Variants in CLDN16 observed in about 807,000 individuals in gnomAD.
CLDN16 encodes claudin-16.
Under a neutral mutation model 24.6 loss-of-function variants are expected in CLDN16, and 13 were observed. That is an observed-to-expected ratio of 0.53 (90% CI 0.34 to 0.84). CLDN16 has a LOEUF of 0.84. Ranked by LOEUF, CLDN16 falls within the 40% of genes least tolerant of loss-of-function variation. The pLI, the probability that CLDN16 is intolerant of heterozygous loss-of-function variation, is 0.01. For missense variants in CLDN16, 298 were observed against 292.7 expected (o/e 1.02, Z -0.13); for synonymous variants, 116 against 106.7 (o/e 1.09, Z -0.54).
rs778985429 is a variant in CLDN16, at chr3:190,410,774, T to G, written c.*738T>G. On this transcript the variant is annotated 3_prime_UTR_variant, in exon 5 of 5. Transcript: ENST00000264734. Reference sequence around the variant, plus strand: ...ATTGCCAAATGATTAGACTACAGAATAGTTCAACCAGAGAATTTACTCATT... The same window carrying G: ...ATTGCCAAATGATTAGACTACAGAAGAGTTCAACCAGAGAATTTACTCATT... 2 of 152,154 alleles carry G rather than the reference T, an allele frequency of 1.3e-5. No homozygotes were observed. The highest frequency in any genetic ancestry group is 2.4e-5 in the African/African-American group (1 of 41,420). The allele number at this position is 152,154 out of a possible 1,614,324, so 9.4% of individuals were successfully genotyped here. A position where few individuals can be genotyped will look rare whatever the true frequency, so the allele number is the denominator to read the frequency against.
At chr3:190,357,198 G>C (rs533338037) in intron 1 of CLDN16, among the ~76,000 whole-genome samples, 1 of 151,974 alleles carries the variant, frequency 6.6e-6, no homozygotes, top group East Asian at 1.9e-4. Context: ...TCCTAATGCA[G>C]AATTTTGGCA....
chr3:190,330,040 C>T (rs1466829708), intron 1 of CLDN16, among the ~76,000 whole-genome samples: 2 of 150,906 alleles, frequency 1.3e-5, no homozygotes, highest in Non-Finnish European at 3.0e-5. Flanking sequence ...TCAACCGTCC[C>T]CCCTCCACCA....
At chr3:190,303,056 G>A in the CLDN16 span, among the ~76,000 whole-genome samples, 1 of 151,870 alleles carries the variant, frequency 6.6e-6, no homozygotes, top group Non-Finnish European at 1.5e-5. Context: ...CCACTTTTCT[G>A]TATTTTTCTA....
chr3:190,380,549 A>G (rs1718349081), intron 3 of CLDN16, among the ~76,000 whole-genome samples: 1 of 152,096 alleles, frequency 6.6e-6, no homozygotes, highest in South Asian at 2.1e-4. Context: ...GTTAAGAAGA[A>G]AGCATACAAT....
At chr3:190,399,672 G>A (rs1718913038) in intron 1 of CLDN16, among the ~76,000 whole-genome samples, 1 of 151,962 alleles carries the variant, frequency 6.6e-6, no homozygotes. Context: ...TTTTTTGTTG[G>A]AAACATTAAA....
At chr3:190,312,946 A>C in the CLDN16 span, 1 of 1,614,176 alleles carries the variant, frequency 6.2e-7, no homozygotes, top group Admixed American at 1.7e-5. Context: ...CAAGCACTTC[A>C]TACACTTCAT....
intron 3 of CLDN16, among the ~76,000 whole-genome samples, chr3:190,405,267 A>G (rs1463800275): frequency 6.6e-6 from 1 of 151,948 alleles, no homozygotes; most frequent in Admixed American, 6.6e-5. Flanking sequence ...TATCCCCACT[A>G]AAAATACAAA....
At chr3:190,333,562 CT>C (rs1717229952) in intron 1 of CLDN16, among the ~76,000 whole-genome samples, 1 of 133,950 alleles carries the variant, frequency 7.5e-6, no homozygotes, top group African/African-American at 2.8e-5. Context: ...ATCTATCTAT[CT>C]ATCTATCTAT....
At chr3:190,338,074 T>G (rs111320066) in intron 1 of CLDN16, among the ~76,000 whole-genome samples, 10,703 of 152,128 alleles carry the variant, frequency 0.07, 556 homozygotes, top group African/African-American at 0.14. Flanking sequence ...GGGTGCCCAG[T>G]AGGTAGAGTA....
intron 3 of CLDN16, among the ~76,000 whole-genome samples, chr3:190,379,535 A>G (rs1718314601): frequency 6.6e-6 from 1 of 152,136 alleles, no homozygotes; most frequent in East Asian, 1.9e-4. Flanking sequence ...CCAGAATTTA[A>G]TAAAGCTAGT....
intron 1 of CLDN16, among the ~76,000 whole-genome samples, chr3:190,340,211 A>G (rs554820577): frequency 1.3e-5 from 2 of 152,330 alleles, no homozygotes; most frequent in African/African-American, 2.4e-5. Flanking sequence ...AACATAAACA[A>G]TGGGAAGAAA....
rs190527986 is a variant in CLDN16, at chr3:190,411,237, C to G, written c.*1201C>G. ...ATCGCACCATTGCACTCCAGTCTGG[C>G]AACAGAGCGAGACTCCATCTCAAAA... is the stretch of plus-strand genomic sequence containing the variant. On this transcript the variant is annotated 3_prime_UTR_variant, in exon 5 of 5. Coordinates refer to ENST00000264734, the MANE Select transcript of CLDN16 (RefSeq NM_006580.4). 5.9e-5 allele frequency: 9 copies of G among 152,172 alleles called. 1 individual carries two copies. In the East Asian group the frequency reaches 1.5e-3, roughly 26 times the overall value. 9.4% of individuals were successfully genotyped at this position (152,172 alleles called of 1,614,324 possible).
chr3:190,374,270 T>C (rs1718201408), intron 2 of CLDN16, among the ~76,000 whole-genome samples: 1 of 2,718 alleles, frequency 3.7e-4, no homozygotes, highest in Admixed American at 2.5e-3. Flanking sequence ...TGAAAAACAT[T>C]GTGTGTGTGT....
intron 1 of CLDN16, among the ~76,000 whole-genome samples, chr3:190,329,678 C>T (rs1268108282): frequency 1.3e-5 from 2 of 152,082 alleles, no homozygotes; most frequent in Non-Finnish European, 2.9e-5. Context: ...TATGCTCATG[C>T]AAATCATTAA....
chr3:190,347,708 A>T (rs1717580782), intron 1 of CLDN16, among the ~76,000 whole-genome samples: 3 of 152,184 alleles, frequency 2.0e-5, no homozygotes, highest in Admixed American at 1.3e-4. Flanking sequence ...CAATAAAAAG[A>T]GGTGATATGA....
At chr3:190,342,293 C>T (rs928706633) in intron 1 of CLDN16, among the ~76,000 whole-genome samples, 3 of 152,146 alleles carry the variant, frequency 2.0e-5, no homozygotes, top group African/African-American at 7.2e-5. Flanking sequence ...ACTTACAGTT[C>T]CACATGGCTG....
the CLDN16 span, among the ~76,000 whole-genome samples, chr3:190,296,776 T>A: frequency 2.0e-5 from 3 of 151,908 alleles, no homozygotes; most frequent in African/African-American, 4.8e-5. Context: ...GGTCTCGATC[T>A]CCTGACCTCG....
At chr3:190,397,955 A>G (rs1718861461) in intron 1 of CLDN16, among the ~76,000 whole-genome samples, 1 of 152,250 alleles carries the variant, frequency 6.6e-6, no homozygotes, top group Non-Finnish European at 1.5e-5. Flanking sequence ...TTTCTAAATA[A>G]TGTCATGTAT....
intron 1 of CLDN16, among the ~76,000 whole-genome samples, chr3:190,351,233 G>T (rs1040753849): frequency 6.6e-6 from 1 of 152,008 alleles, no homozygotes; most frequent in African/African-American, 2.4e-5. Context: ...ATGCTTTCTG[G>T]ACAGGCTGCA....
Sources: gnomAD v4.1 joint callset for allele counts (sites outside exome capture counted in the v4.1 genomes callset) on GRCh38, gnomAD v4.1.1 for gene constraint, MANE v1.5 for transcripts, NCBI Gene and HGNC (gene_info 2026-07-23, HGNC 2026-07-21) for gene names.